SYT6: variants seen among roughly 807,000 people sequenced by gnomAD.
The protein encoded by SYT6 is synaptotagmin-6.
A neutral mutation model predicts 38.4 loss-of-function variants in SYT6; 24 were observed. The ratio of observed to expected loss-of-function variants is 0.62; its 90% CI spans 0.45 to 0.88. SYT6 has a LOEUF of 0.88. Ranked by LOEUF, SYT6 falls within the 40% of genes least tolerant of loss-of-function variation. The probability of loss-of-function intolerance (pLI) is 0.00; values close to 1 mark genes in which losing one functional copy is unlikely to be tolerated. For synonymous variants in SYT6, 265 were observed against 241.9 expected (o/e 1.10, Z -0.89); for missense variants, 611 against 621.0 (o/e 0.98, Z 0.17).
intron 1 of SYT6, 137 bp from the exon 2 acceptor site, chr1:114,140,100 A>T (rs1473520553): frequency 1.8e-6 from 1 of 560,164 alleles, no homozygotes; most frequent in Non-Finnish European, 3.1e-6. Context: ...GAAAGCTGCC[A>T]GGTCAGAGGG....
chr1:114,139,992 G>GGACA (rs749948653), intron 1 of SYT6, 29 bp from the exon 2 acceptor site: 1 of 1,385,414 alleles, frequency 7.2e-7, no homozygotes, highest in South Asian at 1.4e-5. Context: ...AGGCAGGGAG[G>GGACA]GACAGACAGA....
At chr1:114,144,964 C>T (rs923907255) in intron 1 of SYT6, among the ~76,000 whole-genome samples, 3 of 152,092 alleles carry the variant, frequency 2.0e-5, no homozygotes, top group Non-Finnish European at 4.4e-5. Flanking sequence ...CAACACCTGG[C>T]TCCCTGCACA....
chr1:114,101,994 A>G (rs1463044297), intron 4 of SYT6, among the ~76,000 whole-genome samples: 2 of 152,188 alleles, frequency 1.3e-5, no homozygotes, highest in East Asian at 1.9e-4. Context: ...GGCAATTGTG[A>G]AAGGGAGGTT....
intron 3 of SYT6, among the ~76,000 whole-genome samples, chr1:114,129,530 CTTTCTTTCTTTTTTTTCTGTCTTTT>C (rs1359858948): frequency 6.6e-6 from 1 of 151,286 alleles, no homozygotes; most frequent in Admixed American, 6.6e-5. Context: ...TTTTCTCTTT[CTTTCTTTCTTTTTTTTCTGTCTTTT>C]TTTCTTTCTT....
chr1:114,129,547 CTG>C (rs1177287676), intron 3 of SYT6, among the ~76,000 whole-genome samples: 4 of 145,410 alleles, frequency 2.8e-5, no homozygotes, highest in Admixed American at 1.4e-4. Context: ...TCTTTTTTTT[CTG>C]TCTTTTTTTC....
chr1:114,112,061 G>C (rs1411670866), intron 3 of SYT6, among the ~76,000 whole-genome samples: 1 of 152,176 alleles, frequency 6.6e-6, no homozygotes, highest in Non-Finnish European at 1.5e-5. Flanking sequence ...GGTTCTGTTT[G>C]TTCTGAGTTC....
In SYT6 at chr1:114,103,486, C is replaced by T. The variant is rs2100987250; in HGVS notation, c.1192+115G>A. The T allele has an allele frequency of 3.5e-6, 5 of 1,424,294 alleles. No homozygotes were observed. In the South Asian group the frequency reaches 6.9e-5, roughly 20 times the overall value. The allele number at this position is 1,424,294 out of a possible 1,614,324, so 88.2% of individuals were successfully genotyped here. The stretch of plus-strand genomic sequence containing the variant: ...AATTCGAATCCAGGCAGTTTGTGTC[C>T]AGAGCTGGTGCTTCTATTCTAAGAA... On this transcript the variant is annotated intron_variant, in intron 4 of 7. Coordinates refer to ENST00000610222, the MANE Select transcript of SYT6 (RefSeq NM_001253772.2).
intron 7 of SYT6, 44 bp downstream of exon 7, chr1:114,093,691 G>A: frequency 1.9e-6 from 3 of 1,578,610 alleles, no homozygotes; most frequent in Non-Finnish European, 2.6e-6. Context: ...GAGACAAAAG[G>A]TAATAAGCAA....
At chr1:114,128,618 A>G (rs1225634845) in intron 3 of SYT6, among the ~76,000 whole-genome samples, 1 of 152,206 alleles carries the variant, frequency 6.6e-6, no homozygotes, top group Non-Finnish European at 1.5e-5. Flanking sequence ...AAGGCCGATG[A>G]TAAGCTCCTT....
intron 2 of SYT6, among the ~76,000 whole-genome samples, chr1:114,139,152 G>C (rs1678693011): frequency 1.3e-5 from 2 of 152,206 alleles, no homozygotes. Context: ...ACTCTGAAAG[G>C]CTTTAAAGGA....
intron 3 of SYT6, among the ~76,000 whole-genome samples, chr1:114,107,201 G>T (rs745446238): frequency 6.6e-6 from 1 of 152,210 alleles, no homozygotes; most frequent in African/African-American, 2.4e-5. Flanking sequence ...TGGGAGGCTT[G>T]CCTGGGGATA....
chr1:114,102,798 C>T (rs1298648330), intron 4 of SYT6, among the ~76,000 whole-genome samples: 1 of 151,894 alleles, frequency 6.6e-6, no homozygotes, highest in Non-Finnish European at 1.5e-5. Context: ...GAGGCTTCAC[C>T]CCATTTCACT....
chr1:114,151,902 A>G (rs1679455551), intron 1 of SYT6, among the ~76,000 whole-genome samples: 3 of 152,258 alleles, frequency 2.0e-5, no homozygotes, highest in Admixed American at 2.0e-4. Context: ...CCCAACCTCC[A>G]TCTCTGTACC....
In SYT6 at chr1:114,130,253, C is replaced by T. The variant is rs1200524650; in HGVS notation, c.1071+7242G>A. ...TATGACTCTCAGACATACTATTTAT[C>T]TTAGTCATTTGCCTTCTTCCACTAG... On this transcript the variant is annotated intron_variant, in intron 3 of 7. Transcript: ENST00000610222. Among the ~76,000 whole-genome samples, 4 of 149,644 alleles carry T rather than the reference C, an allele frequency of 2.7e-5. No homozygotes were observed. The East Asian group carries it at 8.2e-4, about 31-fold the overall frequency.
chr1:114,116,030 A>C (rs904944126), intron 3 of SYT6, among the ~76,000 whole-genome samples: 3 of 149,300 alleles, frequency 2.0e-5, no homozygotes, highest in African/African-American at 7.5e-5. Flanking sequence ...AGCAAGAAGC[A>C]TGAGAGAGAA....
At chr1:114,100,851 C>G (rs1057184893) in intron 4 of SYT6, among the ~76,000 whole-genome samples, 7 of 152,166 alleles carry the variant, frequency 4.6e-5, no homozygotes, top group Admixed American at 6.5e-5. Context: ...TAAGGATGTA[C>G]CTTTTCTTGC....
At chr1:114,124,505 G>A (rs1040324175) in intron 3 of SYT6, among the ~76,000 whole-genome samples, 1 of 152,114 alleles carries the variant, frequency 6.6e-6, no homozygotes. Context: ...GCTGGGGGCA[G>A]GTGCCCACCA....
intron 3 of SYT6, among the ~76,000 whole-genome samples, chr1:114,115,474 TG>T (rs2101023236): frequency 6.6e-6 from 1 of 151,336 alleles, no homozygotes; most frequent in Non-Finnish European, 1.5e-5. Flanking sequence ...TGGACTGCAG[TG>T]GTGCGATCTC....
At chr1:114,136,900 G>A (rs371143579) in intron 3 of SYT6, among the ~76,000 whole-genome samples, 2 of 144,972 alleles carry the variant, frequency 1.4e-5, no homozygotes, top group East Asian at 4.0e-4. Context: ...GTTCTAATGG[G>A]AGTGGAAGTG....
Sources: allele counts gnomAD v4.1 joint callset (sites outside exome capture counted in the v4.1 genomes callset), GRCh38; gene constraint gnomAD v4.1.1; transcripts MANE v1.5; gene names NCBI Gene and HGNC (gene_info 2026-07-23, HGNC 2026-07-21).